Variants in SORCS1 observed in about 807,000 individuals in gnomAD.
SORCS1 encodes VPS10 domain-containing receptor SorCS1.
SORCS1 carries 60 observed loss-of-function variants against 146.1 expected under a neutral mutation model. The observed-to-expected ratio is 0.41, with a 90% CI of 0.33 to 0.51. The LOEUF is 0.51. SORCS1 is among the 20% of genes least tolerant of loss of function. SORCS1 has a pLI of 0.21. For missense variants in SORCS1, 1,352 were observed against 1,487.6 expected (o/e 0.91, Z 1.50); for synonymous variants, 637 against 584.0 (o/e 1.09, Z -1.31).
chr10:107,102,561 C>T (rs1176274397), intron 1 of SORCS1, among the ~76,000 whole-genome samples: 1 of 152,134 alleles, frequency 6.6e-6, no homozygotes, highest in Non-Finnish European at 1.5e-5. Flanking sequence ...GTTAAAGGTG[C>T]TTTATTTTGC....
intron 5 of SORCS1, among the ~76,000 whole-genome samples, chr10:106,748,367 T>C (rs1463072015): frequency 6.6e-6 from 1 of 152,196 alleles, no homozygotes; most frequent in African/African-American, 2.4e-5. Context: ...ATTGTGATTG[T>C]TTTTGAGTGC....
In SORCS1 at chr10:106,858,565, A is replaced by G. The variant is rs113243773; in HGVS notation, c.627-28892T>C. Among the ~76,000 whole-genome samples, 952 of 144,014 alleles carry G rather than the reference A, an allele frequency of 6.6e-3. 14 individuals are homozygous for G. Among genetic ancestry groups the G allele is most frequent in the African/African-American group, 0.024 (911 of 38,174 alleles). 94.5% of individuals were successfully genotyped at this position (144,014 alleles called of 152,430 possible). On this transcript the variant is annotated intron_variant, in intron 2 of 25. Transcript: ENST00000263054. Reference sequence around the variant, plus strand: ...GGAGCTGGCAATGAGCCGAGATTGCACCACTGCACTCCAGCCTGGGAGACA... The same window carrying G: ...GGAGCTGGCAATGAGCCGAGATTGCGCCACTGCACTCCAGCCTGGGAGACA...
rs556475896 is a variant in SORCS1 at position 106,891,431 on chromosome 10, G to A, written c.627-61758C>T. 6.6e-4 allele frequency among the ~76,000 whole-genome samples: 99 copies of A among 150,596 alleles called. 1 individual carries two copies. Among genetic ancestry groups the A allele is most frequent in the Admixed American group, 2.9e-3 (44 of 15,012 alleles). On this transcript the variant is annotated intron_variant, in intron 2 of 25. Coordinates refer to ENST00000263054, the MANE Select transcript of SORCS1 (RefSeq NM_052918.5). ...GTAGGTATCAAATATATGAATGAAT[G>A]GACAGATTTGAGTTTCCTGTTCTCT...
rs1299797874 is a variant in SORCS1, at chr10:106,829,693, T to G, written c.627-20A>C. The G allele has an allele frequency of 7.6e-6, 12 of 1,577,776 alleles. No individual in the cohort carries two copies. The highest frequency in any genetic ancestry group is 2.6e-6 in the Non-Finnish European group (3 of 1,148,816). On this transcript the variant is annotated intron_variant, in intron 2 of 25. Coordinates refer to ENST00000263054, the MANE Select transcript of SORCS1 (RefSeq NM_052918.5). ...GTTGACCTATAATCCAAAAAGAGCATTAATGAGGACAGAAGTATATGTCAT... is the reference window on the plus strand; with the variant it reads ...GTTGACCTATAATCCAAAAAGAGCAGTAATGAGGACAGAAGTATATGTCAT...
intron 5 of SORCS1, among the ~76,000 whole-genome samples, chr10:106,753,794 C>T (rs1858438369): frequency 6.6e-6 from 1 of 152,028 alleles, no homozygotes; most frequent in South Asian, 2.1e-4. Context: ...GCTCAAAAGC[C>T]AGACTTTATT....
At chr10:106,680,392 C>G (rs1200570249) in intron 10 of SORCS1, among the ~76,000 whole-genome samples, 1 of 152,188 alleles carries the variant, frequency 6.6e-6, no homozygotes, top group African/African-American at 2.4e-5. Flanking sequence ...CTTAGTCATT[C>G]TCCATTTGAG....
chr10:106,778,102 G>C (rs555493138), intron 3 of SORCS1, among the ~76,000 whole-genome samples: 4 of 152,256 alleles, frequency 2.6e-5, no homozygotes, highest in African/African-American at 9.6e-5. Context: ...TGAACAGTTA[G>C]TGTCATCTTT....
At chr10:106,890,711 C>A (rs538323278) in intron 2 of SORCS1, among the ~76,000 whole-genome samples, 1 of 152,074 alleles carries the variant, frequency 6.6e-6, no homozygotes, top group Non-Finnish European at 1.5e-5. Context: ...TCGTGGCTTA[C>A]GATGTAGAGA....
At chr10:106,813,128 C>CTTTTTTTTTTTTTTTTTTTTTTTTT (rs71025557) in intron 3 of SORCS1, among the ~76,000 whole-genome samples, 4 of 98,746 alleles carry the variant, frequency 4.1e-5, no homozygotes, top group Non-Finnish European at 8.1e-5. Flanking sequence ...CTTCTCTTTT[C>CTTTTTTTTTTTTTTTTTTTTTTTTT]TTTTTTTTTT....
At chr10:107,139,635 T>C (rs979134690) in intron 1 of SORCS1, among the ~76,000 whole-genome samples, 4 of 152,190 alleles carry the variant, frequency 2.6e-5, no homozygotes, top group Non-Finnish European at 5.9e-5. Context: ...GAAGCCCAAA[T>C]ACATGACGCA....
chr10:107,026,633 T>A (rs925170223), intron 1 of SORCS1, among the ~76,000 whole-genome samples: 7 of 151,318 alleles, frequency 4.6e-5, no homozygotes, highest in African/African-American at 1.7e-4. Context: ...AAAAAAAAGT[T>A]TTTTGGTTTT....
At chr10:106,733,121 G>GA (rs1856724198) in intron 5 of SORCS1, among the ~76,000 whole-genome samples, 1 of 126,536 alleles carries the variant, frequency 7.9e-6, no homozygotes, top group Non-Finnish European at 1.7e-5. Context: ...AAAAAGAAAA[G>GA]AAAAGAAAAG....
Position 106,704,953 on chromosome 10 carries a change from A to T in SORCS1, c.1233+1592T>A, listed in dbSNP as rs188759705. ...AAACCTGGCTCTGTTGTATTTATTG[A>T]GTTAACATGTTCATTTCTCTGACAG... On this transcript the variant is annotated intron_variant, in intron 8 of 25. Coordinates refer to ENST00000263054, the MANE Select transcript of SORCS1 (RefSeq NM_052918.5). Among the ~76,000 whole-genome samples, 5 of 152,330 alleles carry T rather than the reference A, an allele frequency of 3.3e-5. No individual in the cohort carries two copies. The East Asian group carries it at 9.7e-4, about 29-fold the overall frequency.
chr10:107,152,236 T>C (rs1323031483), intron 1 of SORCS1, among the ~76,000 whole-genome samples: 2 of 152,150 alleles, frequency 1.3e-5, no homozygotes, highest in African/African-American at 4.8e-5. Flanking sequence ...TTTCAGAGGA[T>C]GTACAGAAAT....
At chr10:107,086,278 A>G in intron 1 of SORCS1, among the ~76,000 whole-genome samples, 1 of 152,342 alleles carries the variant, frequency 6.6e-6, no homozygotes, top group African/African-American at 2.4e-5. Context: ...CCACTTCTCA[A>G]AGCTTGGAAG....
chr10:107,144,075 A>T (rs952675739), intron 1 of SORCS1, among the ~76,000 whole-genome samples: 8 of 152,162 alleles, frequency 5.3e-5, no homozygotes, highest in Admixed American at 2.0e-4. Flanking sequence ...GGGGCCACAC[A>T]TGCTTATCCT....
At chr10:106,710,333 G>C (rs1222958568) in intron 6 of SORCS1, among the ~76,000 whole-genome samples, 1 of 150,674 alleles carries the variant, frequency 6.6e-6, no homozygotes, top group East Asian at 2.0e-4. Context: ...TAAAATCACA[G>C]CTACTCAGGA....
intron 1 of SORCS1, among the ~76,000 whole-genome samples, chr10:107,012,642 A>T (rs1957739750): frequency 6.6e-6 from 1 of 152,158 alleles, no homozygotes; most frequent in South Asian, 2.1e-4. Context: ...TCATGGAACA[A>T]TCAGAATTGG....
intron 17 of SORCS1, among the ~76,000 whole-genome samples, chr10:106,653,383 C>T (rs770115719): frequency 6.6e-6 from 1 of 152,142 alleles, no homozygotes; most frequent in Non-Finnish European, 1.5e-5. Flanking sequence ...GTTTATTTGC[C>T]TAGAGTTAGT....
Sources: gnomAD v4.1 joint callset for allele counts (sites outside exome capture counted in the v4.1 genomes callset) on GRCh38, gnomAD v4.1.1 for gene constraint, MANE v1.5 for transcripts, NCBI Gene and HGNC (gene_info 2026-07-23, HGNC 2026-07-21) for gene names.